ADAM2: variants seen among roughly 807,000 people sequenced by gnomAD.
ADAM2 encodes disintegrin and metalloproteinase domain-containing protein 2.
ADAM2 carries 101 observed loss-of-function variants against 99.3 expected under a neutral mutation model. That is an observed-to-expected ratio of 1.02 (90% CI 0.87 to 1.20). ADAM2 has a LOEUF of 1.20. ADAM2 is among the 50% of genes most tolerant of loss of function. The probability of loss-of-function intolerance (pLI) is 0.00; values close to 1 mark genes in which losing one functional copy is unlikely to be tolerated. For missense variants in ADAM2, 948 were observed against 878.7 expected, an observed-to-expected ratio of 1.08 and a Z score of -1.00; for synonymous variants, 323 against 287.6, an observed-to-expected ratio of 1.12 and a Z score of -1.25.
At chr8:39,759,979 G>A (rs909648622) in intron 15 of ADAM2, among the ~76,000 whole-genome samples, 2 of 152,114 alleles carry the variant, frequency 1.3e-5, no homozygotes, top group African/African-American at 4.8e-5. Flanking sequence ...CGATTCTCCT[G>A]CCTCAGCCTC....
At chr8:39,798,873 G>A (rs1192012977) in intron 7 of ADAM2, among the ~76,000 whole-genome samples, 1 of 152,000 alleles carries the variant, frequency 6.6e-6, no homozygotes, top group South Asian at 2.1e-4. Context: ...ATTTCCATGG[G>A]GTCAGTGGTG....
rs184905917 is a variant in ADAM2, at chr8:39,810,500, C to T, written c.514-1034G>A. Among the ~76,000 whole-genome samples the T allele has an allele frequency of 2.9e-3, 438 of 152,274 alleles. 21 individuals are homozygous for T. In the East Asian group the frequency reaches 0.077, roughly 27 times the overall value. On this transcript the variant is annotated intron_variant, in intron 6 of 20. Transcript: ENST00000265708. ...ATATACATTCTTCTCAGCACCACAT[C>T]GCACTTATTCCAAAATTGACCACAT...
At chr8:39,788,895 T>C (rs1397668635) in intron 7 of ADAM2, among the ~76,000 whole-genome samples, 155 bp from the exon 8 acceptor site, 2 of 151,660 alleles carry the variant, frequency 1.3e-5, no homozygotes, top group African/African-American at 4.8e-5. Context: ...ACAAATTATA[T>C]GTTATATGTT....
At chr8:39,784,294 C>T (rs963299219) in intron 10 of ADAM2, among the ~76,000 whole-genome samples, 3 of 152,176 alleles carry the variant, frequency 2.0e-5, no homozygotes, top group African/African-American at 7.2e-5. Context: ...ACTAAAGAGA[C>T]CATTTTTCTC....
At chr8:39,821,264 A>T (rs1805177227) in intron 5 of ADAM2, 94 bp from the exon 6 acceptor site, 1 of 900,570 alleles carries the variant, frequency 1.1e-6, no homozygotes, top group South Asian at 2.0e-5. Flanking sequence ...TGGTATGCAG[A>T]TTATTTTTAG....
intron 5 of ADAM2, among the ~76,000 whole-genome samples, 180 bp from the exon 6 acceptor site, chr8:39,821,350 G>A (rs1280452004): frequency 6.6e-6 from 1 of 152,088 alleles, no homozygotes; most frequent in African/African-American, 2.4e-5. Flanking sequence ...GCATAGTAAT[G>A]CTGTTAGCAT....
At chr8:39,784,009 A>G (rs1258048618) in intron 10 of ADAM2, among the ~76,000 whole-genome samples, 2 of 152,106 alleles carry the variant, frequency 1.3e-5, no homozygotes, top group African/African-American at 4.8e-5. Flanking sequence ...TTTGTACTCA[A>G]CCAAAAACTA....
intron 7 of ADAM2, among the ~76,000 whole-genome samples, chr8:39,791,915 A>G (rs142868757): frequency 3.3e-5 from 5 of 152,194 alleles, no homozygotes; most frequent in African/African-American, 1.2e-4. Flanking sequence ...AAAACTGTTA[A>G]AGTGTCTGCC....
intron 11 of ADAM2, among the ~76,000 whole-genome samples, chr8:39,776,447 T>C (rs1463878761): frequency 2.0e-5 from 3 of 152,140 alleles, no homozygotes; most frequent in South Asian, 2.1e-4. Context: ...GATAAAAGGC[T>C]GGCTCCAGTT....
At chr8:39,758,892 A>G (rs1003480433) in intron 15 of ADAM2, among the ~76,000 whole-genome samples, 2 of 152,098 alleles carry the variant, frequency 1.3e-5, no homozygotes, top group African/African-American at 2.4e-5. Context: ...TAAAATAACA[A>G]TTATTGTGTC....
At chr8:39,787,699 GT>G (rs1472157399) in intron 9 of ADAM2, among the ~76,000 whole-genome samples, 2 of 151,484 alleles carry the variant, frequency 1.3e-5, no homozygotes, top group Admixed American at 6.6e-5. Flanking sequence ...AAAACATAGT[GT>G]TTCAATTACT....
chr8:39,754,749 G>A (rs529008092), intron 16 of ADAM2, among the ~76,000 whole-genome samples: 2 of 152,238 alleles, frequency 1.3e-5, no homozygotes, highest in African/African-American at 2.4e-5. Context: ...AAGCCAGAGA[G>A]GCTTTATAAT....
intron 7 of ADAM2, among the ~76,000 whole-genome samples, chr8:39,808,382 CAT>C (rs1804537668): frequency 6.6e-6 from 1 of 151,956 alleles, no homozygotes; most frequent in East Asian, 1.9e-4. Flanking sequence ...GCAAAGGACT[CAT>C]ATACTGAAAA....
intron 14 of ADAM2, among the ~76,000 whole-genome samples, chr8:39,763,271 T>A (rs1286075487): frequency 6.6e-6 from 1 of 152,024 alleles, no homozygotes; most frequent in Non-Finnish European, 1.5e-5. Flanking sequence ...GATAGGTTGG[T>A]CATAGCATCC....
chr8:39,750,921 T>G (rs185291000), intron 16 of ADAM2, among the ~76,000 whole-genome samples: 34 of 152,270 alleles, frequency 2.2e-4, no homozygotes, highest in Non-Finnish European at 4.3e-4. Context: ...CCCAAGAACA[T>G]GTAATTAGAA....
intron 16 of ADAM2, among the ~76,000 whole-genome samples, chr8:39,752,097 A>C (rs1352774859): frequency 1.3e-5 from 2 of 152,150 alleles, no homozygotes; most frequent in Non-Finnish European, 2.9e-5. Context: ...AATCATTTTT[A>C]GGTTCAGAAA....
chr8:39,827,837 A>G (rs1805470404), intron 3 of ADAM2, among the ~76,000 whole-genome samples: 1 of 152,128 alleles, frequency 6.6e-6, no homozygotes, highest in African/African-American at 2.4e-5. Context: ...AATGTTTTAT[A>G]CTTGAAAATT....
intron 6 of ADAM2, among the ~76,000 whole-genome samples, chr8:39,820,070 C>T (rs1472779743): frequency 1.3e-5 from 2 of 152,158 alleles, no homozygotes; most frequent in South Asian, 2.1e-4. Context: ...AATATTACCA[C>T]TGAATACTTC....
intron 3 of ADAM2, among the ~76,000 whole-genome samples, chr8:39,827,596 T>C (rs763083897): frequency 1.5e-4 from 23 of 152,162 alleles, no homozygotes; most frequent in Admixed American, 1.5e-3. Flanking sequence ...TGGATGAATC[T>C]GGAGGGCATT....
Sources: allele counts gnomAD v4.1 joint callset (sites outside exome capture counted in the v4.1 genomes callset), GRCh38; gene constraint gnomAD v4.1.1; transcripts MANE v1.5; gene names NCBI Gene and HGNC (gene_info 2026-07-23, HGNC 2026-07-21).